TRPV2: variants seen among roughly 807,000 people sequenced by gnomAD.
The protein encoded by TRPV2 is transient receptor potential cation channel subfamily V member 2, also known as OTRPC2.
TRPV2 carries 58 observed loss-of-function variants against 91.0 expected under a neutral mutation model. That is an observed-to-expected ratio of 0.64 (90% CI 0.52 to 0.79). The LOEUF (loss-of-function observed/expected upper bound fraction) is 0.79. Among genes scored for constraint, TRPV2 ranks in the 30% least tolerant of loss-of-function variants. The probability of loss-of-function intolerance (pLI) is 0.00; values close to 1 mark genes in which losing one functional copy is unlikely to be tolerated. For missense variants in TRPV2, 807 were observed against 969.6 expected (o/e 0.83, Z 2.23); for synonymous variants, 417 against 414.8 (o/e 1.01, Z -0.06).
intron 12 of TRPV2, 115 bp from the exon 13 acceptor site, chr17:16,433,459 C>G (rs897310499): frequency 6.9e-7 from 1 of 1,449,542 alleles, no homozygotes; most frequent in African/African-American, 1.4e-5. Flanking sequence ...GTTTAGTTGA[C>G]TTCGCGTTAT....
rs776613436 is a variant in TRPV2 at position 16,431,995 on chromosome 17, C to A, written c.1684C>A (p.Arg562Ser). 2 of 1,604,918 alleles carry A rather than the reference C, an allele frequency of 1.2e-6. No homozygotes were observed. Among genetic ancestry groups the A allele is most frequent in the Non-Finnish European group, 1.7e-6 (2 of 1,173,916 alleles). The part of the protein sequence containing the change: ...ALVSLSQEAW[R>S]PEAPTGPNAT... The stretch of plus-strand genomic sequence containing the variant: ...GGTGAGCCTGAGCCAGGAGGCTTGG[C>A]GCCCCGAAGCTCCTACAGGCCCCAA... Residue 562 changes from arginine to serine, a missense_variant, in exon 12 of 15, where the codon CGC (arginine) becomes AGC (serine). Arg to Ser is a moderately radical substitution (Grantham distance 110). Transcript: ENST00000338560.
chr17:16,433,437 T>A, intron 12 of TRPV2, 137 bp from the exon 13 acceptor site: 1 of 1,286,428 alleles, frequency 7.8e-7, no homozygotes, highest in Non-Finnish European at 1.1e-6. Flanking sequence ...GGAGCCAGAT[T>A]CGAATCCGCG....
chr17:16,417,884 G>A lies in TRPV2; in HGVS notation c.200+16G>A, dbSNP rs563197280. On this transcript the variant is annotated intron_variant, in intron 2 of 14. Coordinates refer to ENST00000338560, the MANE Select transcript of TRPV2 (RefSeq NM_016113.5). ...CAGGTGCCAGGTGAGACAGCAAGTG[G>A]GGGCAGGGCAAAGGGGGCCCCCTGC... The A allele has an allele frequency of 1.9e-6, 3 of 1,611,704 alleles. No individual in the cohort carries two copies. The highest frequency in any genetic ancestry group is 1.3e-5 in the African/African-American group (1 of 74,990).
At chr17:16,424,521 C>A (rs1041934304) in intron 5 of TRPV2, among the ~76,000 whole-genome samples, 16 of 152,148 alleles carry the variant, frequency 1.1e-4, no homozygotes, top group Non-Finnish European at 1.9e-4. Context: ...GTCTTGAACT[C>A]CTGACCTCAG....
chr17:16,428,194 TC>T, intron 8 of TRPV2, 122 bp from the exon 9 acceptor site: 1 of 837,378 alleles, frequency 1.2e-6, no homozygotes. Flanking sequence ...TATTCATGAG[TC>T]CCCCAAAACC....
chr17:16,428,223 T>G (rs2093393254), intron 8 of TRPV2, 94 bp from the exon 9 acceptor site: 2 of 1,174,978 alleles, frequency 1.7e-6, no homozygotes, highest in Admixed American at 3.4e-5. Context: ...CTGACTTAGC[T>G]CTAGCCTGGG....
chr17:16,431,871 C>T (rs2093414202), intron 11 of TRPV2, 21 bp downstream of exon 11: 2 of 1,613,918 alleles, frequency 1.2e-6, no homozygotes, highest in Non-Finnish European at 1.7e-6. Context: ...CCTCCGGCCC[C>T]CTCCCCCTTC....
In TRPV2 at chr17:16,426,402, C is replaced by T; in HGVS notation, c.1095+133C>T. ...GTGGGGGTGTGGCTGCATGTCCCAG[C>T]AGGCACGACCCTGACCATGGCCACC... On this transcript the variant is annotated intron_variant, in intron 6 of 14. Transcript: ENST00000338560. The surrounding 1 kb of genome is among the most constrained non-coding windows in gnomAD (Gnocchi z 6.0). The T allele has an allele frequency of 8.7e-7, 1 of 1,151,114 alleles. No individual in the cohort carries two copies. The highest frequency in any genetic ancestry group is 1.5e-5 in the African/African-American group (1 of 65,252). 71.3% of individuals were successfully genotyped at this position (1,151,114 alleles called of 1,614,324 possible). A position where few individuals can be genotyped will look rare whatever the true frequency, so the allele number is the denominator to read the frequency against.
At position 16,417,733 on chromosome 17, in the gene TRPV2, G is replaced by T. The variant is rs1221035938; in HGVS notation, c.65G>T (p.Gly22Val). Residue 22 changes from glycine to valine, a missense_variant, in exon 2 of 15, where the codon GGC becomes GTC. Coordinates refer to ENST00000338560, the MANE Select transcript of TRPV2 (RefSeq NM_016113.5). ...ACATTAGATGGAGGCCAAGAAGATG[G>T]CTCTGAGGCGGACAGAGGAAAGCTG... ...LETLDGGQED[G>V]SEADRGKLDF... 3 of 1,614,106 alleles carry T rather than the reference G, an allele frequency of 1.9e-6. No individual in the cohort carries two copies. In the African/African-American group the frequency reaches 4.0e-5, roughly 22 times the overall value.
Position 16,428,877 on chromosome 17 carries a change from G to A in TRPV2, c.1482G>A (p.Trp494Ter). The A allele has an allele frequency of 6.2e-7, 1 of 1,614,094 alleles. No individual in the cohort carries two copies. The highest frequency in any genetic ancestry group is 1.7e-4 in the Middle Eastern group (1 of 5,982). ...TGCTGTGTTTCCTGGCCATCGAGTG[G>A]TACCTGCCCCTGCTTGTGTCTGCGC... The part of the protein sequence containing the change: ...SQVLCFLAIE[W>*]YLPLLVSALV... The change falls in exon 10 of 15, where the codon TGG becomes TGA. Residue 494 changes from tryptophan to a stop codon, truncating the protein, a stop_gained. Coordinates refer to ENST00000338560, the MANE Select transcript of TRPV2 (RefSeq NM_016113.5). LOFTEE classifies it high-confidence loss of function.
Position 16,432,035 on chromosome 17 carries a change from T to C in TRPV2, c.1724T>C (p.Val575Ala), listed in dbSNP as rs1427165237. 1 of 1,613,166 alleles carries C rather than the reference T, an allele frequency of 6.2e-7. No homozygotes were observed. The highest frequency in any genetic ancestry group is 8.5e-7 in the Non-Finnish European group (1 of 1,179,314). The change falls in exon 12 of 15, where the codon GTG becomes GCG. Residue 575 changes from valine to alanine, a missense_variant. Coordinates refer to ENST00000338560, the MANE Select transcript of TRPV2 (RefSeq NM_016113.5). ...APTGPNATESVQPMEGQEDEG... is the reference protein window; with the variant it reads ...APTGPNATESAQPMEGQEDEG... ...ACAGGCCCCAATGCCACAGAGTCAG[T>C]GCAGCCCATGGAGGGACAGGAGGAC...
intron 14 of TRPV2, among the ~76,000 whole-genome samples, chr17:16,436,148 G>A (rs761132921): frequency 6.6e-6 from 1 of 151,978 alleles, no homozygotes. Flanking sequence ...CCCCTCAGGC[G>A]GCCACTCATC....
At position 16,432,070 on chromosome 17, in the gene TRPV2, G is replaced by A. The variant is rs753407035; in HGVS notation, c.1759G>A (p.Gly587Arg). Residue 587 changes from glycine to arginine, a missense_variant, in exon 12 of 15, where the codon GGG becomes AGG. Gly to Arg is a moderately radical substitution (Grantham distance 125). Coordinates refer to ENST00000338560, the MANE Select transcript of TRPV2 (RefSeq NM_016113.5). ...PMEGQEDEGN[G>R]AQYRGILEAS... Reference sequence around the variant, plus strand: ...GGAGGGACAGGAGGACGAGGGCAACGGGGCCCAGTACAGGGGTATCCTGGA... The same window carrying A: ...GGAGGGACAGGAGGACGAGGGCAACAGGGCCCAGTACAGGGGTATCCTGGA... The A allele has an allele frequency of 5.8e-5, 93 of 1,613,862 alleles. No individual in the cohort carries two copies. The highest frequency in any genetic ancestry group is 2.3e-4 in the African/African-American group (17 of 74,924).
Position 16,428,760 on chromosome 17 carries a change from T to TG in TRPV2, c.1422-52dup, listed in dbSNP as rs2093396544. ...CAGGACCTTGGTCAGCATAGGCCAG[T>TG]GGGGGCTCAGGGAGCCAAGTGGCCC... On this transcript the variant is annotated intron_variant, in intron 9 of 14. Transcript: ENST00000338560. The TG allele has an allele frequency of 3.1e-6, 5 of 1,604,772 alleles. No homozygotes were observed. In the Admixed American group the frequency reaches 8.4e-5, roughly 27 times the overall value.
At chr17:16,429,798 G>A (rs2093401398) in intron 10 of TRPV2, among the ~76,000 whole-genome samples, 1 of 151,908 alleles carries the variant, frequency 6.6e-6, no homozygotes, top group Admixed American at 6.6e-5. Context: ...CCTTCCACGG[G>A]GAGGGATTTG....
intron 10 of TRPV2, among the ~76,000 whole-genome samples, chr17:16,429,835 T>A (rs950968733): frequency 2.7e-5 from 4 of 150,730 alleles, no homozygotes; most frequent in African/African-American, 7.3e-5. Context: ...TTTTTTTTTT[T>A]AATTGTAGTA....
In TRPV2 at chr17:16,420,160, G is replaced by A. The variant is rs757311912; in HGVS notation, c.246G>A (p.Ala82=). The change falls in exon 3 of 15, where the codon GCG becomes GCA. Residue 82 remains alanine, a synonymous_variant. Coordinates refer to ENST00000338560, the MANE Select transcript of TRPV2 (RefSeq NM_016113.5). ...NRFDRDRLFN[A]VSRGVPEDLA... ...TTGACCGAGATCGGCTCTTCAATGCGGTCTCCCGGGGTGTCCCCGAGGATC... is the reference window on the plus strand; with the variant it reads ...TTGACCGAGATCGGCTCTTCAATGCAGTCTCCCGGGGTGTCCCCGAGGATC... The A allele has an allele frequency of 1.7e-5, 27 of 1,614,016 alleles. No individual in the cohort carries two copies. Among genetic ancestry groups the A allele is most frequent in the South Asian group, 2.2e-5 (2 of 91,056 alleles).
Position 16,420,166 on chromosome 17 carries a change from C to G in TRPV2, c.252C>G (p.Ser84=), listed in dbSNP as rs746058972. The G allele has an allele frequency of 9.3e-6, 15 of 1,614,028 alleles. No homozygotes were observed. The African/African-American group carries it at 1.7e-4, about 19-fold the overall frequency. Reference sequence around the variant, plus strand: ...GAGATCGGCTCTTCAATGCGGTCTCCCGGGGTGTCCCCGAGGATCTGGCTG... The same window carrying G: ...GAGATCGGCTCTTCAATGCGGTCTCGCGGGGTGTCCCCGAGGATCTGGCTG... ...FDRDRLFNAV[S]RGVPEDLAGL... The change falls in exon 3 of 15, where the codon TCC becomes TCG. Residue 84 remains serine, a synonymous_variant. Transcript: ENST00000338560.
Position 16,431,663 on chromosome 17 carries a change from T to C in TRPV2, c.1588-121T>C. On this transcript the variant is annotated intron_variant, in intron 10 of 14. Transcript: ENST00000338560. ...GTGGCTCCACAGGCCCACATATGCA[T>C]ATGTATGTGTGCGTATGTGCAGTGT... The C allele has an allele frequency of 4.8e-6, 4 of 835,358 alleles. 1 individual carries two copies. The Middle Eastern group carries it at 8.7e-4, about 182-fold the overall frequency. 51.7% of individuals were successfully genotyped at this position (835,358 alleles called of 1,614,324 possible).
Sources: allele counts gnomAD v4.1 joint callset (sites outside exome capture counted in the v4.1 genomes callset), GRCh38; gene constraint gnomAD v4.1.1; non-coding constraint Gnocchi (gnomAD v3.1); transcripts MANE v1.5; gene names NCBI Gene and HGNC (gene_info 2026-07-23, HGNC 2026-07-21).